The following RBFOX3 variants were observed in gnomAD, a reference collection of about 807,000 sequenced individuals.
The protein encoded by RBFOX3 is RNA binding fox-1 homolog 3.
RBFOX3 carries 17 observed loss-of-function variants against 48.7 expected under a neutral mutation model. The ratio of observed to expected loss-of-function variants is 0.35; its 90% CI spans 0.24 to 0.52. The LOEUF (loss-of-function observed/expected upper bound fraction) is 0.52, where lower values mean the gene tolerates loss of function less well. Among genes scored for constraint, RBFOX3 ranks in the 20% least tolerant of loss-of-function variants. RBFOX3 has a pLI of 0.94. For synonymous variants in RBFOX3, 212 were observed against 209.5 expected (o/e 1.01, Z -0.10); for missense variants, 382 against 497.5 (o/e 0.77, Z 2.21).
intron 4 of RBFOX3, among the ~76,000 whole-genome samples, chr17:79,138,805 A>ACATGCACACACAG (rs1315674193): frequency 4.9e-5 from 4 of 80,838 alleles, no homozygotes; most frequent in Non-Finnish European, 7.3e-5. Flanking sequence ...CCTTACCCAC[A>ACATGCACACACAG]CACATGCGTT....
At chr17:79,283,191 T>C (rs375947577) in intron 3 of RBFOX3, among the ~76,000 whole-genome samples, 92 of 152,234 alleles carry the variant, frequency 6.0e-4, no homozygotes, top group African/African-American at 2.2e-3. Context: ...CGTGGTTTCG[T>C]GTTCATAGCT....
intron 12 of RBFOX3, 89 bp downstream of exon 12, chr17:79,096,564 A>G: frequency 8.7e-7 from 1 of 1,149,902 alleles, no homozygotes. Context: ...GGATGGGAGG[A>G]GCGGGCAGTG....
chr17:79,163,333 T>A (rs2047350624), intron 4 of RBFOX3, among the ~76,000 whole-genome samples: 2 of 152,100 alleles, frequency 1.3e-5, no homozygotes, highest in Non-Finnish European at 2.9e-5. Context: ...TCTGAGGGTG[T>A]CAAGAGGGGA....
chr17:79,131,910 C>A (rs1407543345), intron 4 of RBFOX3, among the ~76,000 whole-genome samples: 1 of 152,162 alleles, frequency 6.6e-6, no homozygotes, highest in Non-Finnish European at 1.5e-5. Flanking sequence ...AAGCGCCAGA[C>A]GAGGGGACAG....
At chr17:79,456,023 A>G (rs7213387) in intron 2 of RBFOX3, among the ~76,000 whole-genome samples, 7,362 of 147,544 alleles carry the variant, frequency 0.05, 591 homozygotes, top group African/African-American at 0.17. Context: ...TAAGGACATC[A>G]CACTGACCAG....
intron 2 of RBFOX3, among the ~76,000 whole-genome samples, chr17:79,369,018 C>T (rs573185720): frequency 1.2e-4 from 19 of 152,290 alleles, no homozygotes; most frequent in Middle Eastern, 6.8e-3. Context: ...ATCCAGCCCA[C>T]GGCCCACCAC....
chr17:79,180,565 T>A (rs1480851967), intron 4 of RBFOX3, among the ~76,000 whole-genome samples: 1 of 152,216 alleles, frequency 6.6e-6, no homozygotes, highest in Non-Finnish European at 1.5e-5. Flanking sequence ...GGTATGGCCC[T>A]AGGCCCCTCC....
intron 4 of RBFOX3, among the ~76,000 whole-genome samples, chr17:79,142,043 G>C (rs2042024078): frequency 6.6e-6 from 1 of 152,242 alleles, no homozygotes; most frequent in South Asian, 2.1e-4. Context: ...GGAAGGGAGG[G>C]AAAAGGTTGG....
intron 1 of RBFOX3, among the ~76,000 whole-genome samples, chr17:79,516,865 G>A (rs974790977): frequency 2.4e-4 from 36 of 152,282 alleles, no homozygotes; most frequent in Non-Finnish European, 4.6e-4. Flanking sequence ...ACGTGACGCC[G>A]AGACAAGCCA....
At chr17:79,180,225 C>G (rs1224580610) in intron 4 of RBFOX3, among the ~76,000 whole-genome samples, 1 of 152,198 alleles carries the variant, frequency 6.6e-6, no homozygotes, top group African/African-American at 2.4e-5. Context: ...CACCCCATCC[C>G]CAGCCTACCT....
chr17:79,636,291 G>A, the RBFOX3 span, among the ~76,000 whole-genome samples: 2 of 151,998 alleles, frequency 1.3e-5, no homozygotes, highest in African/African-American at 2.4e-5. Context: ...GTGTGTGTGT[G>A]CATGATTTTC....
chr17:79,476,360 C>T (rs1234928962), intron 2 of RBFOX3, among the ~76,000 whole-genome samples: 1 of 152,228 alleles, frequency 6.6e-6, no homozygotes, highest in Non-Finnish European at 1.5e-5. Flanking sequence ...AAAATATTGG[C>T]CCGTTTTTCT....
chr17:79,345,620 T>C (rs2082782313), intron 2 of RBFOX3, among the ~76,000 whole-genome samples: 1 of 152,194 alleles, frequency 6.6e-6, no homozygotes, highest in African/African-American at 2.4e-5. Flanking sequence ...TTCTCTTCTG[T>C]ATGAAATTCC....
the RBFOX3 span, among the ~76,000 whole-genome samples, chr17:79,620,585 GCA>G: frequency 0.54 from 71,159 of 131,758 alleles, 18,933 homozygotes; most frequent in Non-Finnish European, 0.61. Context: ...ACACACGCAC[GCA>G]CACACACGCA....
chr17:79,533,795 A>G (rs1463805501), intron 1 of RBFOX3, among the ~76,000 whole-genome samples: 2 of 152,256 alleles, frequency 1.3e-5, no homozygotes, highest in African/African-American at 4.8e-5. Flanking sequence ...ATACATATTC[A>G]CTGTAGAAAA....
chr17:79,323,893 G>A (rs1236504118), intron 2 of RBFOX3, among the ~76,000 whole-genome samples: 1 of 152,244 alleles, frequency 6.6e-6, no homozygotes, highest in Non-Finnish European at 1.5e-5. Context: ...TAGCTAGAGA[G>A]GCATGATGAG....
intron 4 of RBFOX3, among the ~76,000 whole-genome samples, chr17:79,178,079 C>T (rs954237739): frequency 5.3e-5 from 8 of 152,188 alleles, no homozygotes; most frequent in South Asian, 2.1e-4. Context: ...TGTCCAGGGC[C>T]GGAGCTTTCT....
At chr17:79,426,076 C>T (rs1387136501) in intron 2 of RBFOX3, among the ~76,000 whole-genome samples, 1 of 152,012 alleles carries the variant, frequency 6.6e-6, no homozygotes, top group Non-Finnish European at 1.5e-5. Flanking sequence ...AGACACAGCC[C>T]ACAAGCAGAA....
intron 4 of RBFOX3, among the ~76,000 whole-genome samples, chr17:79,159,813 C>T (rs2046587892): frequency 6.6e-6 from 1 of 152,224 alleles, no homozygotes; most frequent in Non-Finnish European, 1.5e-5. Flanking sequence ...ACACTCACAC[C>T]CTACAGCTGC....
Sources: allele counts gnomAD v4.1 joint callset (sites outside exome capture counted in the v4.1 genomes callset), GRCh38; gene constraint gnomAD v4.1.1; transcripts MANE v1.5; gene names NCBI Gene and HGNC (gene_info 2026-07-23, HGNC 2026-07-21).